Variants in USP49 observed in about 807,000 individuals in gnomAD.
The protein encoded by USP49 is ubiquitin carboxyl-terminal hydrolase 49.
In USP49, 24 loss-of-function variants were observed where a neutral mutation model predicts 58.6. The observed-to-expected ratio is 0.41, with a 90% CI of 0.30 to 0.58. The LOEUF (loss-of-function observed/expected upper bound fraction) is 0.58. USP49 is among the 20% of genes least tolerant of loss of function. The pLI, the probability that USP49 is intolerant of heterozygous loss-of-function variation, is 0.30. For missense variants in USP49, 703 were observed against 866.1 expected (o/e 0.81, Z 2.36); for synonymous variants, 408 against 365.1 (o/e 1.12, Z -1.34).
At chr6:41,823,825 G>A (rs1773490855) in intron 3 of USP49, among the ~76,000 whole-genome samples, 2 of 152,270 alleles carry the variant, frequency 1.3e-5, no homozygotes, top group East Asian at 1.9e-4. Context: ...GGGCAGTGGA[G>A]GTGGTGGGGG....
At chr6:41,825,434 T>G (rs901858329) in intron 3 of USP49, among the ~76,000 whole-genome samples, 9 of 140,736 alleles carry the variant, frequency 6.4e-5, no homozygotes, top group African/African-American at 1.7e-4. Context: ...GAGAGGTCAC[T>G]TAAAAGAAAA....
Position 41,795,501 on chromosome 6 carries a change from T to A in USP49, c.*1032A>T, listed in dbSNP as rs1034526886. On this transcript the variant is annotated 3_prime_UTR_variant, in exon 8 of 8. Transcript: ENST00000682992. ...TGTACGAGGTGGACTCCTAAGCAGT[T>A]AACATACCCTAGAGAACCAAAAGCT... The A allele has an allele frequency of 6.6e-6, 1 of 152,120 alleles. No homozygotes were observed. The allele number at this position is 152,120 out of a possible 1,614,324, so 9.4% of individuals were successfully genotyped here.
chr6:41,799,065 A>G, intron 6 of USP49, 136 bp from the exon 7 acceptor site: 1 of 1,001,238 alleles, frequency 1.0e-6, no homozygotes, highest in Non-Finnish European at 1.4e-6. Flanking sequence ...AAATGGTGGT[A>G]ATCAATGTTC....
intron 5 of USP49, among the ~76,000 whole-genome samples, chr6:41,802,989 T>G (rs187095221): frequency 1.8e-4 from 28 of 152,352 alleles, no homozygotes; most frequent in African/African-American, 5.3e-4. Flanking sequence ...ACCTTAAGAC[T>G]TGCTTTCTTG....
chr6:41,861,998 G>A (rs907575698), intron 3 of USP49, among the ~76,000 whole-genome samples: 5 of 152,092 alleles, frequency 3.3e-5, no homozygotes, highest in African/African-American at 1.2e-4. Flanking sequence ...CACCGCACCC[G>A]GCCATGTCAC....
chr6:41,802,448 A>ATTTTTTTTTTTTTTTTTTTTTTTT, intron 5 of USP49, among the ~76,000 whole-genome samples: 1 of 53,336 alleles, frequency 1.9e-5, no homozygotes, highest in Non-Finnish European at 3.6e-5. Context: ...TTATTTATTT[A>ATTTTTTTTTTTTTTTTTTTTTTTT]TTTATTTATT....
chr6:41,861,926 C>A (rs1489550288), intron 3 of USP49, among the ~76,000 whole-genome samples: 1 of 152,146 alleles, frequency 6.6e-6, no homozygotes, highest in Non-Finnish European at 1.5e-5. Context: ...GTCTCGAACT[C>A]CTGTCCCTCA....
At chr6:41,812,044 T>C (rs1311860943) in intron 3 of USP49, among the ~76,000 whole-genome samples, 1 of 152,094 alleles carries the variant, frequency 6.6e-6, no homozygotes, top group African/African-American at 2.4e-5. Context: ...CCAGTCCTGA[T>C]GAATCTGAAC....
intron 3 of USP49, among the ~76,000 whole-genome samples, chr6:41,839,164 T>C (rs1361992937): frequency 6.6e-6 from 1 of 151,594 alleles, no homozygotes; most frequent in African/African-American, 2.4e-5. Flanking sequence ...CCTAGTACTT[T>C]GGAAGGCTGA....
At chr6:41,817,004 CTATTAT>C (rs893701154) in intron 3 of USP49, among the ~76,000 whole-genome samples, 11 of 151,342 alleles carry the variant, frequency 7.3e-5, no homozygotes, top group African/African-American at 2.2e-4. Context: ...CTGCACCTGG[CTATTAT>C]TATTATTATT....
chr6:41,884,312 C>T (rs1334267363), intron 2 of USP49, among the ~76,000 whole-genome samples: 8 of 152,114 alleles, frequency 5.3e-5, no homozygotes, highest in Non-Finnish European at 7.3e-5. Flanking sequence ...CGTGAGCCAC[C>T]GCGCCAGGCC....
In USP49 at chr6:41,792,737, G is replaced by T. The variant is rs1380576908; in HGVS notation, c.*3796C>A. On this transcript the variant is annotated 3_prime_UTR_variant, in exon 8 of 8. Transcript: ENST00000682992. ...AAGAGACATGAAATGCTTTTTAAAA[G>T]TCTGTGATACCAGATGTCCTTTAAA... 6.6e-6 allele frequency: 1 copy of T among 152,226 alleles called. No individual in the cohort carries two copies. The highest frequency in any genetic ancestry group is 1.5e-5 in the Non-Finnish European group (1 of 68,042). The allele number at this position is 152,226 out of a possible 1,614,324, so 9.4% of individuals were successfully genotyped here. A position where few individuals can be genotyped will look rare whatever the true frequency, so the allele number is the denominator to read the frequency against.
rs1409345390 is a variant in USP49 at position 41,806,327 on chromosome 6, C to T, written c.657G>A (p.Ala219=). Residue 219 remains alanine, a synonymous_variant, in exon 4 of 8, where the codon GCG becomes GCA. Transcript: ENST00000682992. This position sits in a 1 kb window ranked among gnomAD's most constrained non-coding sequence, Gnocchi z 5.9. ...CGGCGGGGCGCGAGGCAGCCGGGCCCGCGTCGCGGGGCGTGTGCAGGAGCA... is the reference window on the plus strand; with the variant it reads ...CGGCGGGGCGCGAGGCAGCCGGGCCTGCGTCGCGGGGCGTGTGCAGGAGCA... ...ARLLLHTPRD[A]GPAASRPAAL... The T allele has an allele frequency of 8.5e-6, 13 of 1,536,324 alleles. No homozygotes were observed. Among genetic ancestry groups the T allele is most frequent in the East Asian group, 2.3e-5 (1 of 43,870 alleles).
Position 41,790,250 on chromosome 6 carries a change from A to G in USP49, c.*6283T>C, listed in dbSNP as rs1355273930. 1 of 152,252 alleles carries G rather than the reference A, an allele frequency of 6.6e-6. No individual in the cohort carries two copies. The highest frequency in any genetic ancestry group is 2.4e-5 in the African/African-American group (1 of 41,464). The allele number at this position is 152,252 out of a possible 1,614,324, so 9.4% of individuals were successfully genotyped here. A position where few individuals can be genotyped will look rare whatever the true frequency, so the allele number is the denominator to read the frequency against. ...GGAATAGTGAGGTTTGGTGGCAGAA[A>G]GAGGGCAGTGATGTGTAGGGGGAGG... is the stretch of plus-strand genomic sequence containing the variant. On this transcript the variant is annotated 3_prime_UTR_variant, in exon 8 of 8. Coordinates refer to ENST00000682992, the MANE Select transcript of USP49 (RefSeq NM_001286554.2).
chr6:41,790,961 T>C lies in USP49; in HGVS notation c.*5572A>G, dbSNP rs1451705998. 6.6e-6 allele frequency: 1 copy of C among 152,204 alleles called. No homozygotes were observed. Among genetic ancestry groups the C allele is most frequent in the Non-Finnish European group, 1.5e-5 (1 of 68,040 alleles). The allele number at this position is 152,204 out of a possible 1,614,324, so 9.4% of individuals were successfully genotyped here. A position where few individuals can be genotyped will look rare whatever the true frequency, so the allele number is the denominator to read the frequency against. On this transcript the variant is annotated 3_prime_UTR_variant, in exon 8 of 8. Transcript: ENST00000682992. ...AGGAGGAAACTTTTAAGCCATAGTA[T>C]AGATGCTAACCCCCATTTAGACCTG...
chr6:41,868,026 T>C (rs1041057428), intron 3 of USP49, among the ~76,000 whole-genome samples: 1 of 152,230 alleles, frequency 6.6e-6, no homozygotes, highest in East Asian at 1.9e-4. Flanking sequence ...TTTTATGTCT[T>C]ATATAAATTC....
At chr6:41,801,158 C>T (rs2127318802) in intron 5 of USP49, among the ~76,000 whole-genome samples, 1 of 152,356 alleles carries the variant, frequency 6.6e-6, no homozygotes, top group South Asian at 2.1e-4. Context: ...CTCTTAGTTT[C>T]TATCAGAAGC....
intron 4 of USP49, 36 bp downstream of exon 4, chr6:41,805,592 A>G: frequency 6.3e-7 from 1 of 1,581,590 alleles, no homozygotes; most frequent in South Asian, 1.1e-5. Context: ...AAGCTAACAT[A>G]CAAGCCTCTC....
intron 3 of USP49, among the ~76,000 whole-genome samples, chr6:41,838,074 C>G (rs1354354950): frequency 4.6e-5 from 7 of 152,178 alleles, no homozygotes; most frequent in Non-Finnish European, 1.0e-4. Context: ...AACAGAACTA[C>G]TATTTAACCC....
Sources: gnomAD v4.1 joint callset for allele counts (sites outside exome capture counted in the v4.1 genomes callset) on GRCh38, gnomAD v4.1.1 for gene constraint, Gnocchi (gnomAD v3.1) non-coding constraint, MANE v1.5 for transcripts, NCBI Gene and HGNC (gene_info 2026-07-23, HGNC 2026-07-21) for gene names.